Variants in CC2D1B observed in about 807,000 individuals in gnomAD.
CC2D1B encodes coiled-coil and C2 domain-containing protein 1B.
CC2D1B carries 92 observed loss-of-function variants against 110.8 expected under a neutral mutation model. That is an observed-to-expected ratio of 0.83 (90% CI 0.70 to 0.99). CC2D1B has a LOEUF of 0.99. CC2D1B is among the 50% of genes least tolerant of loss of function. CC2D1B has a pLI of 0.00. For synonymous variants in CC2D1B, 406 were observed against 429.2 expected, an observed-to-expected ratio of 0.95 and a Z score of 0.67; for missense variants, 1,136 against 1,089.0, an observed-to-expected ratio of 1.04 and a Z score of -0.61.
Position 52,354,119 on chromosome 1 carries a change from T to C in CC2D1B, c.2431-472A>G, listed in dbSNP as rs564966022. 1.5e-3 allele frequency among the ~76,000 whole-genome samples: 225 copies of C among 152,228 alleles called. 1 individual carries two copies. Among genetic ancestry groups the C allele is most frequent in the Middle Eastern group, 6.8e-3 (2 of 294 alleles). On this transcript the variant is annotated intron_variant, in intron 23 of 24. Coordinates refer to ENST00000284376, the MANE Select transcript of CC2D1B (RefSeq NM_001330585.2). ...TCAATTAGGGCACAAAGCAGTACAA[T>C]AGGCCCAAGAAGTCCAACCACCCTC...
chr1:52,355,253 A>T (rs1646622676), intron 21 of CC2D1B, 145 bp downstream of exon 21: 1 of 853,894 alleles, frequency 1.2e-6, no homozygotes, highest in Non-Finnish European at 1.9e-6. Context: ...GTGTTTCTCC[A>T]ACTACAGAAG....
chr1:52,355,189 A>G (rs2147889503), intron 21 of CC2D1B, among the ~76,000 whole-genome samples: 1 of 152,320 alleles, frequency 6.6e-6, no homozygotes, highest in Middle Eastern at 3.4e-3. Flanking sequence ...TTCATATCCC[A>G]TTTCTACCAC....
rs368625598 is a variant in CC2D1B, at chr1:52,357,918, T to C, written c.1462-20A>G. On this transcript the variant is annotated intron_variant, in intron 13 of 24. Transcript: ENST00000284376. Reference sequence around the variant, plus strand: ...CTCACCCTGCAGGTGCCCAGGAGGCTGTTAGGAGGGGATGTGTTCCCTAGC... The same window carrying C: ...CTCACCCTGCAGGTGCCCAGGAGGCCGTTAGGAGGGGATGTGTTCCCTAGC... The C allele has an allele frequency of 1.0e-5, 16 of 1,535,458 alleles. No individual in the cohort carries two copies. The highest frequency in any genetic ancestry group is 1.4e-5 in the Non-Finnish European group (16 of 1,147,612).
rs749782969 is a variant in CC2D1B at position 52,361,526 on chromosome 1, TCTTCCTCCAGCC to T, written c.293_304del (p.Gly98_Glu101del). ...TGGCAGACACACCAGCAGCTCTGCA[TCTTCCTCCAGCC>T]CTTCCTCCTCCTCCTCCTCCTCCAC... On this transcript the variant is annotated inframe_deletion, in exon 4 of 25. Transcript: ENST00000284376. The T allele has an allele frequency of 6.2e-7, 1 of 1,613,934 alleles. No individual in the cohort carries two copies. The highest frequency in any genetic ancestry group is 1.3e-5 in the African/African-American group (1 of 75,014).
intron 2 of CC2D1B, among the ~76,000 whole-genome samples, chr1:52,363,680 C>CTTTTTTT (rs772479076): frequency 7.1e-6 from 1 of 140,834 alleles, no homozygotes; most frequent in African/African-American, 2.6e-5. Context: ...GAGGTACATC[C>CTTTTTTT]TTTTTTTTTT....
intron 5 of CC2D1B, 104 bp from the exon 6 acceptor site, chr1:52,360,653 G>A (rs1646760413): frequency 6.8e-7 from 1 of 1,472,254 alleles, no homozygotes; most frequent in African/African-American, 1.4e-5. Context: ...GGGACTCCAG[G>A]AGAAAGAAGA....
chr1:52,360,324 A>C, intron 6 of CC2D1B, 91 bp from the exon 7 acceptor site: 1 of 1,595,296 alleles, frequency 6.3e-7, no homozygotes, highest in Non-Finnish European at 8.5e-7. Flanking sequence ...CCAACCCCCA[A>C]AGTCTGGTGG....
In CC2D1B at chr1:52,354,939, T is replaced by A; in HGVS notation, c.2240A>T (p.Glu747Val). The A allele has an allele frequency of 6.2e-7, 1 of 1,613,462 alleles. No individual in the cohort carries two copies. Among genetic ancestry groups the A allele is most frequent in the Non-Finnish European group, 8.5e-7 (1 of 1,179,416 alleles). ...TAVVKNTNSP[E>V]FDQLFKLNIN... The stretch of plus-strand genomic sequence containing the variant: ...GTTTAGTTTGAAGAGTTGATCAAAT[T>A]CTGGCAAAGGGGGAGAAAGCAAGGA... The change falls in exon 22 of 25, where the codon GAA becomes GTA. Residue 747 changes from glutamate (E) to valine (V), a missense_variant and splice_region_variant. Physicochemically the swap from Glu to Val is moderately radical, Grantham distance 121 (BLOSUM62 -2). Coordinates refer to ENST00000284376, the MANE Select transcript of CC2D1B (RefSeq NM_001330585.2).
rs746892769 is a variant in CC2D1B, at chr1:52,353,620, C to T, written c.2458G>A (p.Gly820Arg). The T allele has an allele frequency of 6.2e-7, 1 of 1,609,070 alleles. No individual in the cohort carries two copies. The highest frequency in any genetic ancestry group is 8.5e-7 in the Non-Finnish European group (1 of 1,177,554). Residue 820 changes from glycine to arginine, a missense_variant, in exon 24 of 25, where the codon GGG (glycine) becomes AGG (arginine). Physicochemically the swap from Gly to Arg is moderately radical, Grantham distance 125. Coordinates refer to ENST00000284376, the MANE Select transcript of CC2D1B (RefSeq NM_001330585.2). ...AGCCTCACCTTCACCTCCAGCTTCC[C>T]CCCGGTGGGCTTCCTTCCATCCAGG... ...EVLDGRKPTG[G>R]KLEVKVRLRE...
At chr1:52,354,747 G>A (rs572925926) in intron 22 of CC2D1B, 49 bp from the exon 23 acceptor site, 41 of 1,605,774 alleles carry the variant, frequency 2.6e-5, no homozygotes, top group Non-Finnish European at 3.5e-5. Context: ...GGGAAGGCAG[G>A]AATGTGCTGG....
chr1:52,361,000 G>C lies in CC2D1B; in HGVS notation c.451C>G (p.Leu151Val). 6.2e-7 allele frequency: 1 copy of C among 1,614,158 alleles called. No homozygotes were observed. Among genetic ancestry groups the C allele is most frequent in the Non-Finnish European group, 8.5e-7 (1 of 1,180,022 alleles). Residue 151 changes from leucine to valine, a missense_variant, in exon 5 of 25, where the codon CTG (leucine) becomes GTG (valine). Leu to Val is a conservative substitution (Grantham distance 32). Transcript: ENST00000284376. ...DTEPPVQTAV[L>V]TASAPAAQAG... The stretch of plus-strand genomic sequence containing the variant: ...TGAGCTGCTGGGGCTGAAGCTGTCA[G>C]GACGGCTGTCTGCACTGGAGGTTCA...
chr1:52,361,227 T>C, intron 4 of CC2D1B, 95 bp from the exon 5 acceptor site: 14 of 1,452,174 alleles, frequency 9.6e-6, no homozygotes, highest in Non-Finnish European at 1.3e-5. Context: ...TCAGCAATAT[T>C]CCCTAACGTC....
Position 52,360,467 on chromosome 1 carries a change from G to C in CC2D1B, c.560C>G (p.Ala187Gly), listed in dbSNP as rs144263233. 141 of 1,614,000 alleles carry C rather than the reference G, an allele frequency of 8.7e-5. 2 individuals carry two copies. The African/African-American group carries it at 1.6e-3, about 18-fold the overall frequency. ...YREAAASAKE[A>G]GEAAKARRCE... is the part of the protein sequence containing the mutation. ...GCGCCTGGCTTTGGCTGCTTCGCCT[G>C]CCTCCTTGGCACTGGCCGCAGCCTC... The change falls in exon 6 of 25, where the codon GCA becomes GGA. Residue 187 changes from alanine to glycine, a missense_variant. Ala to Gly is a moderately conservative substitution (Grantham distance 60). Transcript: ENST00000284376.
At chr1:52,362,785 G>A in intron 2 of CC2D1B, 39 bp from the exon 3 acceptor site, 2 of 1,610,132 alleles carry the variant, frequency 1.2e-6, no homozygotes, top group African/African-American at 1.3e-5. Context: ...CACACAACAA[G>A]CAGGGTAGGG....
In CC2D1B at chr1:52,356,403, T is replaced by C. The variant is rs201815462; in HGVS notation, c.1918A>G (p.Asn640Asp). 7 of 1,614,258 alleles carry C rather than the reference T, an allele frequency of 4.3e-6. No homozygotes were observed. The East Asian group carries it at 1.6e-4, about 36-fold the overall frequency. Residue 640 changes from asparagine (N) to aspartate (D), a missense_variant, in exon 17 of 25, where the codon AAC becomes GAC. Transcript: ENST00000284376. ...LFSKQFMHQG[N>D]VAETTRFEKL... ...ACTTACCGGGTGGTCTCAGCCACGT[T>C]GCCCTGGTGCATGAACTGCTTGGAG... is the stretch of plus-strand genomic sequence containing the variant.
intron 2 of CC2D1B, among the ~76,000 whole-genome samples, chr1:52,364,234 G>A (rs1055943006): frequency 6.6e-6 from 1 of 152,198 alleles, no homozygotes; most frequent in Non-Finnish European, 1.5e-5. Flanking sequence ...CCTAGGCAGT[G>A]AAGTCCTCCC....
At position 52,355,446 on chromosome 1, in the gene CC2D1B, G is replaced by A. The variant is rs1202840725; in HGVS notation, c.2191C>T (p.Gln731Ter). 2 of 1,614,134 alleles carry A rather than the reference G, an allele frequency of 1.2e-6. No homozygotes were observed. The highest frequency in any genetic ancestry group is 1.7e-6 in the Non-Finnish European group (2 of 1,180,020). The change falls in exon 21 of 25, where the codon CAG becomes TAG. Residue 731 changes from glutamine to a stop codon, truncating the protein, a stop_gained. Transcript: ENST00000284376. LOFTEE classifies it high-confidence loss of function. ...RFEFHYPNSD[Q>*]AQKSKTAVVK... The stretch of plus-strand genomic sequence containing the variant: ...ACAGCTGTTTTGCTTTTTTGAGCCT[G>A]GTCCTAAGCAGTGAGGAGGGAGAAG...
intron 3 of CC2D1B, 113 bp from the exon 4 acceptor site, chr1:52,361,729 G>A: frequency 7.5e-7 from 1 of 1,325,670 alleles, no homozygotes; most frequent in Non-Finnish European, 1.1e-6. Context: ...TCCCACAGCA[G>A]AGTCCCACCT....
rs1326143487 is a variant in CC2D1B, at chr1:52,351,164, C to G, written c.*2061G>C. ...AAAGGCCTTTTAAGAACTTCAATCTCCAAGTCTGGTGGGAGGCTTTGTCTT... is the reference window on the plus strand; with the variant it reads ...AAAGGCCTTTTAAGAACTTCAATCTGCAAGTCTGGTGGGAGGCTTTGTCTT... On this transcript the variant is annotated 3_prime_UTR_variant, in exon 25 of 25. Coordinates refer to ENST00000284376, the MANE Select transcript of CC2D1B (RefSeq NM_001330585.2). 2.0e-5 allele frequency: 3 copies of G among 152,202 alleles called. No individual in the cohort carries two copies. The highest frequency in any genetic ancestry group is 2.9e-5 in the Non-Finnish European group (2 of 68,054). 9.4% of individuals were successfully genotyped at this position (152,202 alleles called of 1,614,324 possible).
Sources: allele counts gnomAD v4.1 joint callset (sites outside exome capture counted in the v4.1 genomes callset), GRCh38; gene constraint gnomAD v4.1.1; transcripts MANE v1.5; gene names NCBI Gene and HGNC (gene_info 2026-07-23, HGNC 2026-07-21).